Variants in ANGPT1 observed in about 807,000 individuals in gnomAD.
ANGPT1 encodes angiopoietin 1.
In ANGPT1, 17 loss-of-function variants were observed where a neutral mutation model predicts 62.2. The observed-to-expected ratio is 0.27, with a 90% CI of 0.19 to 0.41. ANGPT1 has a LOEUF of 0.41. Ranked by LOEUF, ANGPT1 falls within the 10% of genes least tolerant of loss-of-function variation. The pLI, the probability that ANGPT1 is intolerant of heterozygous loss-of-function variation, is 1.00. For missense variants in ANGPT1, 478 were observed against 594.9 expected, an observed-to-expected ratio of 0.80 and a Z score of 2.04; for synonymous variants, 199 against 198.9, an observed-to-expected ratio of 1.00 and a Z score of 0.00.
chr8:107,481,447 T>C lies in ANGPT1; in HGVS notation c.297+15815A>G, dbSNP rs535490718. On this transcript the variant is annotated intron_variant, in intron 1 of 8. Transcript: ENST00000517746. ...TACTTGGGAGGCTGAGGCAGGAGTA[T>C]CACTTGAACCTGGGAGGCAGAGGTT... Among the ~76,000 whole-genome samples, 4 of 138,770 alleles carry C rather than the reference T, an allele frequency of 2.9e-5. No homozygotes were observed. The East Asian group carries it at 8.4e-4, about 29-fold the overall frequency. 91.0% of individuals were successfully genotyped at this position (138,770 alleles called of 152,430 possible). A position where few individuals can be genotyped will look rare whatever the true frequency, so the allele number is the denominator to read the frequency against.
In ANGPT1 at chr8:107,467,837, A is replaced by C. The variant is rs145795267; in HGVS notation, c.297+29425T>G. On this transcript the variant is annotated intron_variant, in intron 1 of 8. Transcript: ENST00000517746. ...ATAATGATATAATAGCAAGCCATTGATAAATCAGTACTTTCTATGTGCTCA... is the reference window on the plus strand; with the variant it reads ...ATAATGATATAATAGCAAGCCATTGCTAAATCAGTACTTTCTATGTGCTCA... Among the ~76,000 whole-genome samples, 1,010 of 152,312 alleles carry C rather than the reference A, an allele frequency of 6.6e-3. 2 individuals are homozygous for C. The highest frequency in any genetic ancestry group is 0.01 in the African/African-American group (428 of 41,594).
intron 1 of ANGPT1, among the ~76,000 whole-genome samples, chr8:107,436,176 G>C (rs1038057227): frequency 2.0e-5 from 3 of 152,172 alleles, no homozygotes; most frequent in African/African-American, 7.2e-5. Context: ...AAAGTGCTGG[G>C]GTTAGAGGCA....
chr8:107,405,340 G>T (rs1342903449), intron 1 of ANGPT1, among the ~76,000 whole-genome samples: 1 of 151,688 alleles, frequency 6.6e-6, no homozygotes, highest in Non-Finnish European at 1.5e-5. Context: ...GCAAATAAAT[G>T]TACTATATTA....
chr8:107,481,753 T>G (rs1812693123), intron 1 of ANGPT1, among the ~76,000 whole-genome samples: 1 of 152,030 alleles, frequency 6.6e-6, no homozygotes, highest in Non-Finnish European at 1.5e-5. Flanking sequence ...GGAAAGAGAA[T>G]GAGTCCCGAG....
At chr8:107,381,277 A>G (rs993047452) in intron 1 of ANGPT1, among the ~76,000 whole-genome samples, 3 of 152,210 alleles carry the variant, frequency 2.0e-5, no homozygotes, top group African/African-American at 4.8e-5. Flanking sequence ...CAAAGGGGAA[A>G]AACTTGAATC....
intron 1 of ANGPT1, among the ~76,000 whole-genome samples, chr8:107,453,928 CT>C (rs1214206439): frequency 6.6e-6 from 1 of 151,778 alleles, no homozygotes; most frequent in African/African-American, 2.4e-5. Context: ...ATTCACACAT[CT>C]GTGAAGAAAA....
chr8:107,254,778 G>C (rs1813320816), intron 8 of ANGPT1, among the ~76,000 whole-genome samples: 1 of 152,128 alleles, frequency 6.6e-6, no homozygotes, highest in Non-Finnish European at 1.5e-5. Context: ...GTCCTGGTGA[G>C]AAGTTCAATG....
chr8:107,291,970 T>TTGG (rs1489930404), intron 6 of ANGPT1, among the ~76,000 whole-genome samples: 1 of 151,582 alleles, frequency 6.6e-6, no homozygotes, highest in Non-Finnish European at 1.5e-5. Flanking sequence ...TTGTTCATAC[T>TTGG]TGGTCAAATT....
rs28682347 is a variant in ANGPT1, at chr8:107,277,939, C to A, written c.1205+6743G>T. 3.2e-3 allele frequency among the ~76,000 whole-genome samples: 481 copies of A among 152,132 alleles called. 4 individuals carry two copies. The highest frequency in any genetic ancestry group is 0.011 in the African/African-American group (458 of 41,512). ...ATCCAAGTAAATAAACAACTATCAA[C>A]CAGCCAAGGACATTGTTGGAGACAA... On this transcript the variant is annotated intron_variant, in intron 7 of 8. Transcript: ENST00000517746.
At chr8:107,476,477 C>T (rs1812533387) in intron 1 of ANGPT1, among the ~76,000 whole-genome samples, 2 of 151,990 alleles carry the variant, frequency 1.3e-5, no homozygotes, top group Non-Finnish European at 2.9e-5. Flanking sequence ...AGGAGATATA[C>T]CTAATGTAAA....
At position 107,497,582 on chromosome 8, in the gene ANGPT1, G is replaced by T. The variant is rs1464590165; in HGVS notation, c.-24C>A. 5 of 1,600,128 alleles carry T rather than the reference G, an allele frequency of 3.1e-6. No homozygotes were observed. Among genetic ancestry groups the T allele is most frequent in the Non-Finnish European group, 4.3e-6 (5 of 1,171,210 alleles). Reference sequence around the variant, plus strand: ...ATTGTACTGCCAGCACACTCCTTCCGTGCCTCTCGCAAAACTTGCTCCTTT... The same window carrying T: ...ATTGTACTGCCAGCACACTCCTTCCTTGCCTCTCGCAAAACTTGCTCCTTT... On this transcript the variant is annotated 5_prime_UTR_variant, in exon 1 of 9. Transcript: ENST00000517746.
intron 1 of ANGPT1, among the ~76,000 whole-genome samples, chr8:107,482,375 C>T (rs973695478): frequency 9.2e-5 from 14 of 152,152 alleles, no homozygotes; most frequent in East Asian, 1.9e-4. Flanking sequence ...TTTGAAGGCT[C>T]ATTTGCTCCC....
chr8:107,487,545 T>A (rs1812846107), intron 1 of ANGPT1, among the ~76,000 whole-genome samples: 1 of 131,802 alleles, frequency 7.6e-6, no homozygotes, highest in Admixed American at 7.8e-5. Flanking sequence ...GTCATTCATC[T>A]GCTAAAAAAA....
At chr8:107,279,652 G>A in intron 7 of ANGPT1, among the ~76,000 whole-genome samples, 1 of 151,874 alleles carries the variant, frequency 6.6e-6, no homozygotes. Flanking sequence ...AGCTTAGTCA[G>A]TAATTTGGCT....
At position 107,497,762 on chromosome 8, in the gene ANGPT1, T is replaced by C; in HGVS notation, c.-204A>G. The C allele has an allele frequency of 1.7e-6, 1 of 605,270 alleles. No individual in the cohort carries two copies. The highest frequency in any genetic ancestry group is 2.2e-5 in the South Asian group (1 of 45,154). 37.5% of individuals were successfully genotyped at this position (605,270 alleles called of 1,614,324 possible). A position where few individuals can be genotyped will look rare whatever the true frequency, so the allele number is the denominator to read the frequency against. On this transcript the variant is annotated 5_prime_UTR_variant, in exon 1 of 9. Coordinates refer to ENST00000517746, the MANE Select transcript of ANGPT1 (RefSeq NM_001146.5). ...TTTAAAATTTTTTATTTCACTGCAATGATGTTTTTCTTCGTTAAAACTTGA... is the reference window on the plus strand; with the variant it reads ...TTTAAAATTTTTTATTTCACTGCAACGATGTTTTTCTTCGTTAAAACTTGA...
chr8:107,293,127 G>A (rs1814318882), intron 6 of ANGPT1, among the ~76,000 whole-genome samples: 1 of 151,980 alleles, frequency 6.6e-6, no homozygotes, highest in Non-Finnish European at 1.5e-5. Context: ...AGTTAATAGG[G>A]CTGATATTAA....
chr8:107,471,477 A>T (rs1586350561), intron 1 of ANGPT1, among the ~76,000 whole-genome samples: 1 of 152,084 alleles, frequency 6.6e-6, no homozygotes, highest in Non-Finnish European at 1.5e-5. Flanking sequence ...ATGGGTGCAG[A>T]AAACCACCAT....
At chr8:107,264,892 G>C (rs1586170313) in intron 7 of ANGPT1, among the ~76,000 whole-genome samples, 1 of 152,124 alleles carries the variant, frequency 6.6e-6, no homozygotes, top group South Asian at 2.1e-4. Flanking sequence ...ATGTAAGCTG[G>C]AATTTAGCTG....
intron 4 of ANGPT1, among the ~76,000 whole-genome samples, chr8:107,314,445 A>T (rs1261958662): frequency 6.6e-6 from 1 of 152,190 alleles, no homozygotes; most frequent in African/African-American, 2.4e-5. Context: ...TTATTTTGTT[A>T]TCATTAATTT....
Sources: allele counts gnomAD v4.1 joint callset (sites outside exome capture counted in the v4.1 genomes callset), GRCh38; gene constraint gnomAD v4.1.1; transcripts MANE v1.5; gene names NCBI Gene and HGNC (gene_info 2026-07-23, HGNC 2026-07-21).